The following GPHN variants were observed in gnomAD, a reference collection of about 807,000 sequenced individuals.
The protein encoded by GPHN is gephyrin.
Under a neutral mutation model 95.5 loss-of-function variants are expected in GPHN, and 17 were observed. The observed-to-expected ratio is 0.18, with a 90% CI of 0.12 to 0.27. The LOEUF is 0.27. Ranked by LOEUF, GPHN falls within the 10% of genes least tolerant of loss-of-function variation. GPHN has a pLI of 1.00. For synonymous variants in GPHN, 320 were observed against 322.5 expected (o/e 0.99, Z 0.08); for missense variants, 660 against 978.1 (o/e 0.67, Z 4.34).
the GPHN span, among the ~76,000 whole-genome samples, chr14:67,547,492 T>G: frequency 6.6e-6 from 1 of 152,186 alleles, no homozygotes; most frequent in Admixed American, 6.5e-5. Context: ...CCAAGAATCA[T>G]GGCCAGTTGC....
chr14:66,632,489 CTTTTTTTTTTT>C (rs60856342), intron 1 of GPHN, among the ~76,000 whole-genome samples: 6 of 122,080 alleles, frequency 4.9e-5, no homozygotes, highest in South Asian at 2.6e-4. Context: ...ACAATACATT[CTTTTTTTTTTT>C]TTTTTTTTTT....
intron 1 of GPHN, among the ~76,000 whole-genome samples, chr14:66,598,442 GT>G (rs1242627384): frequency 6.6e-6 from 1 of 152,088 alleles, no homozygotes; most frequent in Non-Finnish European, 1.5e-5. Flanking sequence ...TTTGCCCATA[GT>G]TTTATATTTA....
the GPHN span, chr14:67,695,714 T>C: frequency 5.0e-6 from 8 of 1,613,442 alleles, no homozygotes; most frequent in East Asian, 1.6e-4. Flanking sequence ...CTCTGCCGGC[T>C]GCAGCGGCAC....
the GPHN span, chr14:67,199,767 G>A: frequency 2.6e-6 from 4 of 1,538,638 alleles, no homozygotes; most frequent in Non-Finnish European, 3.5e-6. Context: ...CCTCCACCAG[G>A]CATGCCTCCT....
chr14:67,468,997 A>G, the GPHN span, among the ~76,000 whole-genome samples: 4 of 152,026 alleles, frequency 2.6e-5, no homozygotes, highest in East Asian at 7.7e-4. Flanking sequence ...AAGCTCCATA[A>G]AGGAGACCCT....
intron 10 of GPHN, among the ~76,000 whole-genome samples, chr14:67,049,886 G>A (rs976785316): frequency 1.3e-5 from 2 of 152,074 alleles, no homozygotes; most frequent in Admixed American, 6.6e-5. Context: ...AAGAAGCCTC[G>A]TGGCACATAA....
the GPHN span, among the ~76,000 whole-genome samples, chr14:67,527,959 G>A: frequency 6.6e-6 from 1 of 152,142 alleles, no homozygotes; most frequent in Non-Finnish European, 1.5e-5. Context: ...AAGTCCAGTT[G>A]CCCTGTACTG....
the GPHN span, among the ~76,000 whole-genome samples, chr14:67,662,191 C>CA: frequency 6.7e-6 from 1 of 149,798 alleles, no homozygotes; most frequent in African/African-American, 2.5e-5. Context: ...AAAAAAAAAA[C>CA]AACAGATTTT....
At chr14:67,199,021 A>C in the GPHN span, 3 of 714,416 alleles carry the variant, frequency 4.2e-6, no homozygotes, top group South Asian at 1.5e-5. Flanking sequence ...GACAACAGAC[A>C]CTTCAAAAGG....
intron 19 of GPHN, among the ~76,000 whole-genome samples, chr14:67,164,287 A>AC (rs1252858620): frequency 6.6e-6 from 1 of 151,202 alleles, no homozygotes; most frequent in Non-Finnish European, 1.5e-5. Flanking sequence ...AAAAAAAAAA[A>AC]AAAAAACTGT....
intron 1 of GPHN, among the ~76,000 whole-genome samples, chr14:66,560,856 C>A (rs10133526): frequency 0.024 from 3,684 of 152,186 alleles, 136 homozygotes; most frequent in African/African-American, 0.083. Context: ...TTTGCCCATT[C>A]GGTATGATAT....
chr14:67,223,443 G>A, the GPHN span, among the ~76,000 whole-genome samples: 2 of 152,198 alleles, frequency 1.3e-5, no homozygotes, highest in Admixed American at 6.5e-5. Flanking sequence ...GGCATGATTC[G>A]CTGTCTCAAA....
chr14:66,608,327 T>TC (rs2062637536), intron 1 of GPHN, among the ~76,000 whole-genome samples: 2 of 152,142 alleles, frequency 1.3e-5, no homozygotes, highest in African/African-American at 4.8e-5. Context: ...TTTTTGTTTT[T>TC]ATTGCACTGT....
intron 2 of GPHN, among the ~76,000 whole-genome samples, chr14:66,692,843 T>C (rs1319598786): frequency 6.6e-6 from 1 of 152,156 alleles, no homozygotes; most frequent in African/African-American, 2.4e-5. Flanking sequence ...GAAGCTTATA[T>C]AGAGCACTTG....
At chr14:67,579,834 C>A in the GPHN span, 2 of 1,607,560 alleles carry the variant, frequency 1.2e-6, no homozygotes, top group East Asian at 2.2e-5. Context: ...CGGACGATCC[C>A]TCGGGCAGGG....
At chr14:66,645,596 G>A (rs1352824890) in intron 1 of GPHN, among the ~76,000 whole-genome samples, 1 of 150,750 alleles carries the variant, frequency 6.6e-6, no homozygotes, top group Non-Finnish European at 1.5e-5. Context: ...AGAGGCTGAG[G>A]CACAAGAATT....
At chr14:67,081,639 T>C (rs1439553139) in intron 11 of GPHN, among the ~76,000 whole-genome samples, 1 of 152,232 alleles carries the variant, frequency 6.6e-6, no homozygotes, top group Admixed American at 6.5e-5. Flanking sequence ...TTTCTTGCAT[T>C]TGCTTTTGGA....
intron 1 of GPHN, among the ~76,000 whole-genome samples, chr14:66,524,687 C>T (rs1426034915): frequency 6.6e-6 from 1 of 152,016 alleles, no homozygotes; most frequent in East Asian, 1.9e-4. Flanking sequence ...ATGATGTTCC[C>T]CTCCTTGTGT....
chr14:67,418,348 T>C, the GPHN span, among the ~76,000 whole-genome samples: 61 of 152,340 alleles, frequency 4.0e-4, no homozygotes, highest in African/African-American at 1.4e-3. Flanking sequence ...TCTCTCTTCC[T>C]GTGATGAAAT....
Sources: gnomAD v4.1 joint callset for allele counts (sites outside exome capture counted in the v4.1 genomes callset) on GRCh38, gnomAD v4.1.1 for gene constraint, MANE v1.5 for transcripts, NCBI Gene and HGNC (gene_info 2026-07-23, HGNC 2026-07-21) for gene names.